DOCK1: variants seen among roughly 807,000 people sequenced by gnomAD.
DOCK1 encodes dedicator of cytokinesis protein 1.
In DOCK1, 138 loss-of-function variants were observed where a neutral mutation model predicts 262.7. The ratio of observed to expected loss-of-function variants is 0.53; its 90% CI spans 0.46 to 0.61. The LOEUF (loss-of-function observed/expected upper bound fraction) is 0.61. Among genes scored for constraint, DOCK1 ranks in the 20% least tolerant of loss-of-function variants. The pLI, the probability that DOCK1 is intolerant of heterozygous loss-of-function variation, is 0.00. For missense variants in DOCK1, 1,908 were observed against 2,370.7 expected, an observed-to-expected ratio of 0.80 and a Z score of 4.05; for synonymous variants, 866 against 867.4, an observed-to-expected ratio of 1.00 and a Z score of 0.03.
chr10:127,056,518 A>G (rs12781288), intron 22 of DOCK1, among the ~76,000 whole-genome samples: 4,207 of 152,072 alleles, frequency 0.028, 73 homozygotes, highest in Non-Finnish European at 0.045. Context: ...GTTGATACTC[A>G]TGTTCCTTCT....
intron 27 of DOCK1, chr10:127,145,928 C>T: frequency 2.0e-6 from 1 of 496,386 alleles, no homozygotes; most frequent in Non-Finnish European, 4.0e-6. Flanking sequence ...GCAGGAGGTC[C>T]CTTCTCAAAC....
chr10:127,031,623 T>A (rs2043245184), intron 16 of DOCK1, 27 bp from the exon 17 acceptor site: 5 of 1,544,526 alleles, frequency 3.2e-6, no homozygotes, highest in South Asian at 1.1e-5. Flanking sequence ...AAAGCAATCA[T>A]CAATTTTTTT....
chr10:127,269,401 C>T (rs2060483378), intron 29 of DOCK1, among the ~76,000 whole-genome samples: 2 of 152,184 alleles, frequency 1.3e-5, no homozygotes, highest in Non-Finnish European at 1.5e-5. Context: ...TGAGAAATTA[C>T]ATTATAAAAA....
At chr10:127,300,713 G>A (rs759374849) in intron 29 of DOCK1, among the ~76,000 whole-genome samples, 2 of 152,014 alleles carry the variant, frequency 1.3e-5, no homozygotes, top group African/African-American at 2.4e-5. Flanking sequence ...TCCCTCTTAG[G>A]GGCCACCACA....
At chr10:127,383,516 G>C (rs557611174) in intron 37 of DOCK1, among the ~76,000 whole-genome samples, 37 of 152,334 alleles carry the variant, frequency 2.4e-4, no homozygotes, top group African/African-American at 8.9e-4. Flanking sequence ...GAAAAATCTT[G>C]CAGACCGCTT....
At chr10:127,422,595 T>G (rs2068583768) in intron 46 of DOCK1, among the ~76,000 whole-genome samples, 1 of 152,224 alleles carries the variant, frequency 6.6e-6, no homozygotes, top group African/African-American at 2.4e-5. Context: ...TCTGTTTGCT[T>G]TGGAATTATG....
At chr10:126,915,483 A>G (rs901405511) in intron 1 of DOCK1, among the ~76,000 whole-genome samples, 2 of 152,062 alleles carry the variant, frequency 1.3e-5, no homozygotes, top group African/African-American at 2.4e-5. Flanking sequence ...CAGGGGCACA[A>G]TCTTGGCCCA....
intron 29 of DOCK1, among the ~76,000 whole-genome samples, chr10:127,267,173 C>G (rs1450456952): frequency 6.6e-6 from 1 of 152,206 alleles, no homozygotes; most frequent in African/African-American, 2.4e-5. Flanking sequence ...GCAGTTCTCT[C>G]TCAGCAGCTT....
At chr10:126,979,351 AT>A (rs2038781280) in intron 3 of DOCK1, among the ~76,000 whole-genome samples, 1 of 152,118 alleles carries the variant, frequency 6.6e-6, no homozygotes, top group Non-Finnish European at 1.5e-5. Flanking sequence ...AATGAGTGAG[AT>A]CTATCCCTAA....
intron 29 of DOCK1, among the ~76,000 whole-genome samples, chr10:127,301,591 C>T (rs1469265235): frequency 1.3e-5 from 2 of 152,098 alleles, no homozygotes; most frequent in African/African-American, 4.8e-5. Context: ...ATTTGGAAAT[C>T]AAATGTATTA....
intron 27 of DOCK1, among the ~76,000 whole-genome samples, chr10:127,188,197 C>T (rs1048144821): frequency 6.6e-6 from 1 of 152,140 alleles, no homozygotes; most frequent in African/African-American, 2.4e-5. Context: ...CCTGGCCTGG[C>T]TGGGCTGTGC....
intron 38 of DOCK1, among the ~76,000 whole-genome samples, chr10:127,390,502 C>T (rs1484766008): frequency 6.6e-6 from 1 of 152,084 alleles, no homozygotes; most frequent in Non-Finnish European, 1.5e-5. Context: ...TTAGGGTGGG[C>T]CCTAATCGAA....
intron 30 of DOCK1, among the ~76,000 whole-genome samples, chr10:127,342,568 C>T (rs1212274717): frequency 1.3e-5 from 2 of 152,136 alleles, no homozygotes; most frequent in African/African-American, 2.4e-5. Context: ...AATGCAAGCC[C>T]AACAGACTTT....
chr10:127,408,908 C>G, intron 40 of DOCK1, 129 bp from the exon 41 acceptor site: 1 of 1,264,748 alleles, frequency 7.9e-7, no homozygotes, highest in Non-Finnish European at 1.1e-6. Flanking sequence ...ATAAAAATTA[C>G]AAGTTGTTCT....
intron 25 of DOCK1, among the ~76,000 whole-genome samples, chr10:127,117,170 T>C (rs2049237164): frequency 6.6e-6 from 1 of 152,222 alleles, no homozygotes; most frequent in Non-Finnish European, 1.5e-5. Flanking sequence ...ATTCATTGAA[T>C]ATCTTCCGTG....
intron 1 of DOCK1, among the ~76,000 whole-genome samples, chr10:126,930,680 G>A (rs996442347): frequency 2.6e-5 from 4 of 152,330 alleles, no homozygotes; most frequent in African/African-American, 9.6e-5. Context: ...CACTGGCCTC[G>A]TGCACAGGAG....
intron 1 of DOCK1, among the ~76,000 whole-genome samples, chr10:126,959,654 G>A (rs2037037672): frequency 6.6e-6 from 1 of 152,224 alleles, no homozygotes; most frequent in African/African-American, 2.4e-5. Context: ...AGCTCCTTGA[G>A]GGTGTGTATA....
intron 29 of DOCK1, among the ~76,000 whole-genome samples, chr10:127,296,789 CT>C (rs1031587629): frequency 3.3e-5 from 5 of 152,132 alleles, no homozygotes; most frequent in Non-Finnish European, 7.3e-5. Context: ...AGGGGGTGCT[CT>C]TCACAGTTGT....
At chr10:127,362,239 G>A (rs1281217873) in intron 33 of DOCK1, 27 bp downstream of exon 33, 2 of 1,602,492 alleles carry the variant, frequency 1.2e-6, no homozygotes, top group South Asian at 2.2e-5. Flanking sequence ...GCAGCGAGTG[G>A]CCGGGGGACA....
Sources: allele counts gnomAD v4.1 joint callset (sites outside exome capture counted in the v4.1 genomes callset), GRCh38; gene constraint gnomAD v4.1.1; transcripts MANE v1.5; gene names NCBI Gene and HGNC (gene_info 2026-07-23, HGNC 2026-07-21).